PCDH9: variants seen among roughly 807,000 people sequenced by gnomAD.
The protein encoded by PCDH9 is protocadherin 9.
PCDH9 carries 24 observed loss-of-function variants against 70.6 expected under a neutral mutation model. The observed-to-expected ratio is 0.34, with a 90% CI of 0.25 to 0.48. The LOEUF (loss-of-function observed/expected upper bound fraction) is 0.48, where lower values mean the gene tolerates loss of function less well. Among genes scored for constraint, PCDH9 ranks in the 20% least tolerant of loss-of-function variants. The pLI, the probability that PCDH9 is intolerant of heterozygous loss-of-function variation, is 0.99. For synonymous variants in PCDH9, 562 were observed against 558.5 expected (o/e 1.01, Z -0.09); for missense variants, 1,281 against 1,503.6 (o/e 0.85, Z 2.45).
Position 66,415,171 on chromosome 13 carries a change from C to T in PCDH9, c.3341-110143G>A, listed in dbSNP as rs559352526. ...TTAAAAACTAGCATTCTGATTAAAG[C>T]TAATCTTAAATATTAAACCAAACTC... On this transcript the variant is annotated intron_variant, in intron 4 of 4. Coordinates refer to ENST00000377865, the MANE Select transcript of PCDH9 (RefSeq NM_203487.3). 1.4e-4 allele frequency among the ~76,000 whole-genome samples: 21 copies of T among 152,220 alleles called. No homozygotes were observed. In the South Asian group the frequency reaches 4.4e-3, roughly 32 times the overall value.
At chr13:67,190,367 A>G (rs942689258) in intron 2 of PCDH9, among the ~76,000 whole-genome samples, 19 of 152,034 alleles carry the variant, frequency 1.2e-4, no homozygotes, top group Admixed American at 6.6e-5. Context: ...GAATCATTGT[A>G]GGGCTAATTT....
chr13:67,008,918 A>C (rs2139836809), intron 2 of PCDH9, among the ~76,000 whole-genome samples: 1 of 152,274 alleles, frequency 6.6e-6, no homozygotes, highest in Non-Finnish European at 1.5e-5. Flanking sequence ...AAGAACATTA[A>C]AATATTGAAT....
At chr13:67,081,076 A>G (rs2085973173) in intron 2 of PCDH9, among the ~76,000 whole-genome samples, 1 of 152,190 alleles carries the variant, frequency 6.6e-6, no homozygotes, top group Non-Finnish European at 1.5e-5. Context: ...TTCCAATATA[A>G]TTTTGAAAAA....
chr13:66,602,612 A>T (rs2077176782), intron 4 of PCDH9, among the ~76,000 whole-genome samples: 1 of 12,410 alleles, frequency 8.1e-5, no homozygotes, highest in South Asian at 0.17. Context: ...AGAGTCAAAA[A>T]TTTTTAAAAG....
chr13:66,932,582 C>T (rs955619578), intron 2 of PCDH9, among the ~76,000 whole-genome samples: 7 of 149,534 alleles, frequency 4.7e-5, no homozygotes, highest in African/African-American at 1.5e-4. Context: ...GAAAAGAAGC[C>T]GAATCATTCA....
intron 3 of PCDH9, among the ~76,000 whole-genome samples, chr13:66,663,467 T>C (rs2078047521): frequency 6.6e-6 from 1 of 152,070 alleles, no homozygotes; most frequent in Non-Finnish European, 1.5e-5. Context: ...AAAAAGAGAT[T>C]TGAGAAATAA....
intron 4 of PCDH9, among the ~76,000 whole-genome samples, chr13:66,330,839 C>G (rs1485939021): frequency 6.6e-6 from 1 of 152,122 alleles, no homozygotes; most frequent in African/African-American, 2.4e-5. Flanking sequence ...CCAGCCTTAG[C>G]ACAAGATCTT....
chr13:66,523,181 T>G (rs1960073447), intron 4 of PCDH9, among the ~76,000 whole-genome samples: 1 of 152,044 alleles, frequency 6.6e-6, no homozygotes, highest in East Asian at 1.9e-4. Context: ...ATTACCTTTG[T>G]GTGAAATGCT....
At chr13:66,531,389 T>C (rs1009977491) in intron 4 of PCDH9, among the ~76,000 whole-genome samples, 1 of 152,112 alleles carries the variant, frequency 6.6e-6, no homozygotes, top group Admixed American at 6.6e-5. Context: ...TAGTTATATA[T>C]GGAAAGCTAG....
intron 3 of PCDH9, among the ~76,000 whole-genome samples, chr13:66,737,738 C>T (rs561208555): frequency 3.3e-5 from 5 of 152,272 alleles, no homozygotes; most frequent in African/African-American, 7.2e-5. Context: ...GGGTGACGGA[C>T]GCACCTGGAA....
intron 3 of PCDH9, among the ~76,000 whole-genome samples, chr13:66,762,518 G>T (rs1232041621): frequency 6.6e-6 from 1 of 152,004 alleles, no homozygotes; most frequent in Non-Finnish European, 1.5e-5. Context: ...GGTTGGTGGA[G>T]GAATTAAACA....
intron 3 of PCDH9, among the ~76,000 whole-genome samples, chr13:66,901,982 G>A (rs927984956): frequency 1.3e-5 from 2 of 151,428 alleles, no homozygotes; most frequent in Non-Finnish European, 3.0e-5. Flanking sequence ...TCCTGGGTAG[G>A]GTTTTGTACT....
intron 2 of PCDH9, among the ~76,000 whole-genome samples, chr13:67,018,010 T>C (rs1053802594): frequency 6.6e-6 from 1 of 152,200 alleles, no homozygotes; most frequent in Non-Finnish European, 1.5e-5. Context: ...GTCTTTCTTG[T>C]TCTGTTAATT....
At chr13:66,754,162 G>C (rs919355627) in intron 3 of PCDH9, among the ~76,000 whole-genome samples, 1 of 152,048 alleles carries the variant, frequency 6.6e-6, no homozygotes, top group African/African-American at 2.4e-5. Context: ...TCAAAAATGG[G>C]AGTTGAACAA....
rs983307340 is a variant in PCDH9, at chr13:67,195,345, G to A, written c.3036+30060C>T. 1.8e-4 allele frequency among the ~76,000 whole-genome samples: 27 copies of A among 152,092 alleles called. No individual in the cohort carries two copies. In the Middle Eastern group the frequency reaches 0.01, roughly 57 times the overall value. On this transcript the variant is annotated intron_variant, in intron 2 of 4. Coordinates refer to ENST00000377865, the MANE Select transcript of PCDH9 (RefSeq NM_203487.3). ...ATTTTAGTAGAAACGGCGTTTCATC[G>A]TGTTAGACAGGATGGTCTCGATCTC... is the stretch of plus-strand genomic sequence containing the variant.
At position 66,631,343 on chromosome 13, in the gene PCDH9, T is replaced by C; in HGVS notation, c.3207A>G (p.Gly1069=). The change falls in exon 4 of 5, where the codon GGA becomes GGG. Residue 1069 remains glycine, a synonymous_variant. Coordinates refer to ENST00000377865, the MANE Select transcript of PCDH9 (RefSeq NM_203487.3). ...SQESCSDSGL[G]DHEPVGSGTL... ...TTCCACTACCCACCGGCTCATGGTCTCCTAGACCACTGTCACTGCAGCTTT... is the reference window on the plus strand; with the variant it reads ...TTCCACTACCCACCGGCTCATGGTCCCCTAGACCACTGTCACTGCAGCTTT... 6.2e-7 allele frequency: 1 copy of C among 1,610,630 alleles called. No individual in the cohort carries two copies. The highest frequency in any genetic ancestry group is 8.5e-7 in the Non-Finnish European group (1 of 1,176,818).
At chr13:67,224,928 G>A in intron 2 of PCDH9, 1 of 997,484 alleles carries the variant, frequency 1.0e-6, no homozygotes, top group Non-Finnish European at 1.2e-6. Context: ...CCTGTTTAGA[G>A]ACTAAAAAAA....
intron 2 of PCDH9, among the ~76,000 whole-genome samples, chr13:66,935,603 T>C (rs771224032): frequency 3.3e-5 from 5 of 152,146 alleles, no homozygotes; most frequent in Non-Finnish European, 7.4e-5. Flanking sequence ...AATTATTACA[T>C]AATAGTTGTT....
chr13:66,585,337 T>C (rs555657952), intron 4 of PCDH9, among the ~76,000 whole-genome samples: 5 of 152,168 alleles, frequency 3.3e-5, no homozygotes, highest in East Asian at 3.9e-4. Flanking sequence ...AGTTTTTCAA[T>C]ATAGCTAGTA....
Sources: allele counts gnomAD v4.1 joint callset (sites outside exome capture counted in the v4.1 genomes callset), GRCh38; gene constraint gnomAD v4.1.1; transcripts MANE v1.5; gene names NCBI Gene and HGNC (gene_info 2026-07-23, HGNC 2026-07-21).